Variants in SAMD5 observed in about 807,000 individuals in gnomAD.
SAMD5 encodes the protein sterile alpha motif domain-containing protein 5.
Under a neutral mutation model 11.3 loss-of-function variants are expected in SAMD5, and 13 were observed. That is an observed-to-expected ratio of 1.15 (90% confidence interval 0.75 to 1.83). The LOEUF is 1.83. Among genes scored for constraint, SAMD5 ranks in the 40% most tolerant of loss-of-function variants. SAMD5 has a pLI of 0.00. For missense variants in SAMD5, 255 were observed against 239.1 expected, an observed-to-expected ratio of 1.07 and a Z score of -0.44; for synonymous variants, 129 against 111.3, an observed-to-expected ratio of 1.16 and a Z score of -1.00.
chr6:147,909,597 T>C, the SAMD5 span, among the ~76,000 whole-genome samples: 50 of 62,350 alleles, frequency 8.0e-4, no homozygotes, highest in African/African-American at 4.0e-3. Flanking sequence ...TCTTTCTTTC[T>C]TTCTTTCTTT....
At chr6:147,707,650 G>A (rs1791342070) in intron 1 of SAMD5, among the ~76,000 whole-genome samples, 1 of 152,110 alleles carries the variant, frequency 6.6e-6, no homozygotes, top group South Asian at 2.1e-4. Flanking sequence ...CTTTGAACTT[G>A]TTTGCATTGG....
At chr6:147,824,773 C>CT in the SAMD5 span, among the ~76,000 whole-genome samples, 1 of 152,096 alleles carries the variant, frequency 6.6e-6, no homozygotes, top group Admixed American at 6.6e-5. Context: ...CTTTAGTAAA[C>CT]TAAGATTGTT....
the SAMD5 span, among the ~76,000 whole-genome samples, chr6:147,843,284 C>CA: frequency 6.6e-6 from 1 of 151,870 alleles, no homozygotes; most frequent in Non-Finnish European, 1.5e-5. Context: ...TAAATTTCAC[C>CA]AAAAAAGTGA....
downstream of SAMD5, among the ~76,000 whole-genome samples, chr6:147,573,982 G>A (rs999095757): frequency 6.6e-6 from 1 of 152,038 alleles, no homozygotes; most frequent in Non-Finnish European, 1.5e-5. Flanking sequence ...AACAAAATTA[G>A]CCGGGCGTGG....
chr6:147,686,710 C>CTTT (rs36105411), intron 1 of SAMD5, among the ~76,000 whole-genome samples: 3 of 149,586 alleles, frequency 2.0e-5, no homozygotes, highest in Admixed American at 6.7e-5. Context: ...TATAACAACT[C>CTTT]TTTTTTTTTT....
the SAMD5 span, among the ~76,000 whole-genome samples, chr6:147,752,734 C>G: frequency 5.3e-5 from 8 of 152,072 alleles, no homozygotes; most frequent in Admixed American, 5.2e-4. Context: ...AGAGGGTCCT[C>G]TCATGGCACA....
At chr6:147,734,083 G>A (rs1791757629) in intron 1 of SAMD5, among the ~76,000 whole-genome samples, 2 of 152,138 alleles carry the variant, frequency 1.3e-5, no homozygotes, top group African/African-American at 2.4e-5. Context: ...GACATAAAAT[G>A]TTTATGTTGG....
At chr6:147,839,507 G>A in the SAMD5 span, among the ~76,000 whole-genome samples, 8 of 152,122 alleles carry the variant, frequency 5.3e-5, no homozygotes, top group Admixed American at 2.6e-4. Context: ...CCAGCATTTT[G>A]GGGGGGCTGA....
At chr6:147,644,232 T>C (rs1480127046) in intron 1 of SAMD5, among the ~76,000 whole-genome samples, 1 of 152,070 alleles carries the variant, frequency 6.6e-6, no homozygotes, top group African/African-American at 2.4e-5. Context: ...CAAAACCCAA[T>C]CAGAGGAGGG....
the SAMD5 span, among the ~76,000 whole-genome samples, chr6:147,748,423 T>C: frequency 6.6e-6 from 1 of 152,216 alleles, no homozygotes; most frequent in Admixed American, 6.5e-5. Flanking sequence ...GCCCACCGCA[T>C]ATGGTGGTTG....
intron 1 of SAMD5, among the ~76,000 whole-genome samples, chr6:147,666,795 T>C (rs1384363194): frequency 6.6e-6 from 1 of 152,196 alleles, no homozygotes; most frequent in Non-Finnish European, 1.5e-5. Flanking sequence ...CATAGCATCC[T>C]CAAATAAGAG....
At chr6:147,604,721 T>C (rs1789674932) in intron 1 of SAMD5, among the ~76,000 whole-genome samples, 1 of 152,356 alleles carries the variant, frequency 6.6e-6, no homozygotes, top group African/African-American at 2.4e-5. Flanking sequence ...GAACCAAAGC[T>C]GGCAAATTTA....
chr6:147,699,245 C>T (rs986849113), intron 1 of SAMD5, among the ~76,000 whole-genome samples: 5 of 152,124 alleles, frequency 3.3e-5, no homozygotes, highest in Non-Finnish European at 7.4e-5. Flanking sequence ...AAAGCAGAGG[C>T]TCAGTAAATC....
At chr6:147,849,596 CTAA>C in the SAMD5 span, among the ~76,000 whole-genome samples, 1 of 152,126 alleles carries the variant, frequency 6.6e-6, no homozygotes, top group Non-Finnish European at 1.5e-5. Flanking sequence ...TGATTTAGCA[CTAA>C]TGTTGGATTA....
the SAMD5 span, among the ~76,000 whole-genome samples, chr6:147,938,368 T>C: frequency 6.6e-6 from 1 of 152,220 alleles, no homozygotes; most frequent in Non-Finnish European, 1.5e-5. Flanking sequence ...TCAACTGATA[T>C]TTAGTGAGTA....
chr6:147,817,967 C>G, the SAMD5 span, among the ~76,000 whole-genome samples: 2 of 152,150 alleles, frequency 1.3e-5, no homozygotes, highest in Admixed American at 6.5e-5. Context: ...GAAAAGAAGA[C>G]ACATTTCAGC....
At chr6:147,576,977 T>C (rs1192113964) in intron 1 of SAMD5, among the ~76,000 whole-genome samples, 1 of 152,270 alleles carries the variant, frequency 6.6e-6, no homozygotes, top group East Asian at 1.9e-4. Context: ...GGAATAAAAA[T>C]AACTTTCTAT....
intron 1 of SAMD5, among the ~76,000 whole-genome samples, chr6:147,549,636 T>C (rs1788737580): frequency 6.6e-6 from 1 of 152,088 alleles, no homozygotes; most frequent in African/African-American, 2.4e-5. Flanking sequence ...TTTCACTCAC[T>C]CCTTCCTTTT....
chr6:147,870,490 A>G, the SAMD5 span, among the ~76,000 whole-genome samples: 3 of 149,916 alleles, frequency 2.0e-5, no homozygotes, highest in Non-Finnish European at 4.4e-5. Flanking sequence ...GTGTATATAT[A>G]TATGTATATA....
Sources: gnomAD v4.1 joint callset for allele counts (sites outside exome capture counted in the v4.1 genomes callset) on GRCh38, gnomAD v4.1.1 for gene constraint, MANE v1.5 for transcripts, NCBI Gene and HGNC (gene_info 2026-07-23, HGNC 2026-07-21) for gene names.